The following PTPRN2 variants were observed in gnomAD, a reference collection of about 807,000 sequenced individuals.
PTPRN2 encodes the protein protein tyrosine phosphatase receptor type N2, also known as receptor-type tyrosine-protein phosphatase N2.
In PTPRN2, 74 loss-of-function variants were observed where a neutral mutation model predicts 118.8. The observed-to-expected ratio is 0.62, with a 90% CI of 0.52 to 0.76. The LOEUF (loss-of-function observed/expected upper bound fraction) is 0.76. Among genes scored for constraint, PTPRN2 ranks in the 30% least tolerant of loss-of-function variants. PTPRN2 has a pLI of 0.00. For synonymous variants in PTPRN2, 641 were observed against 608.0 expected, an observed-to-expected ratio of 1.05 and a Z score of -0.80; for missense variants, 1,481 against 1,394.4, an observed-to-expected ratio of 1.06 and a Z score of -0.99.
chr7:157,959,340 A>G (rs923565214), intron 11 of PTPRN2, among the ~76,000 whole-genome samples: 3 of 152,242 alleles, frequency 2.0e-5, no homozygotes, highest in Non-Finnish European at 4.4e-5. Context: ...ACAGGCAACA[A>G]AGAAAAATAA....
chr7:158,424,020 G>A (rs1004170458), intron 2 of PTPRN2, among the ~76,000 whole-genome samples: 1 of 152,162 alleles, frequency 6.6e-6, no homozygotes, highest in African/African-American at 2.4e-5. Flanking sequence ...ATTCGGAAGA[G>A]GCTAAACAGC....
intron 12 of PTPRN2, among the ~76,000 whole-genome samples, chr7:157,847,384 T>C (rs112642610): frequency 1.1e-4 from 14 of 130,376 alleles, no homozygotes; most frequent in African/African-American, 3.0e-4. Context: ...TCTCTGACTC[T>C]ATCACGTGTG....
At chr7:157,804,324 G>A (rs74884873) in intron 12 of PTPRN2, among the ~76,000 whole-genome samples, 2 of 152,216 alleles carry the variant, frequency 1.3e-5, no homozygotes, top group Non-Finnish European at 2.9e-5. Context: ...TTCCATGTCT[G>A]TGAGGACTGC....
chr7:158,095,148 C>T (rs1479038398), intron 10 of PTPRN2, among the ~76,000 whole-genome samples: 2 of 151,894 alleles, frequency 1.3e-5, no homozygotes, highest in East Asian at 3.9e-4. Context: ...GCCCATCTGC[C>T]CCAAAGCCTC....
At chr7:158,466,834 A>C (rs1819424280) in intron 2 of PTPRN2, among the ~76,000 whole-genome samples, 1 of 152,176 alleles carries the variant, frequency 6.6e-6, no homozygotes, top group South Asian at 2.1e-4. Context: ...TGAGGTCAGG[A>C]GCTCAAGACC....
intron 7 of PTPRN2, among the ~76,000 whole-genome samples, chr7:158,137,508 G>A (rs993064318): frequency 7.2e-5 from 11 of 152,156 alleles, no homozygotes; most frequent in Non-Finnish European, 1.3e-4. Context: ...CAGTGCCCCT[G>A]GAGACAGCAC....
rs75022399 is a variant in PTPRN2 at position 157,993,103 on chromosome 7, T to C, written c.1723+88195A>G. ...GATCATCGCAGGTGGGTGGCCTCTATTGAGGTGTGAGCTGCAACTTTCCAT... is the reference window on the plus strand; with the variant it reads ...GATCATCGCAGGTGGGTGGCCTCTACTGAGGTGTGAGCTGCAACTTTCCAT... On this transcript the variant is annotated intron_variant, in intron 11 of 22. Transcript: ENST00000389418. Among the ~76,000 whole-genome samples the C allele has an allele frequency of 8.5e-3, 1,293 of 152,264 alleles. 31 individuals are homozygous for C. Among genetic ancestry groups the C allele is most frequent in the East Asian group, 0.049 (252 of 5,160 alleles).
chr7:158,476,657 C>T (rs1470322737), intron 2 of PTPRN2, among the ~76,000 whole-genome samples: 1 of 152,260 alleles, frequency 6.6e-6, no homozygotes, highest in African/African-American at 2.4e-5. Context: ...TGCTTCTCCG[C>T]CTGAGGCTGC....
intron 1 of PTPRN2, among the ~76,000 whole-genome samples, chr7:158,584,012 T>C (rs1364378694): frequency 6.6e-6 from 1 of 152,200 alleles, no homozygotes; most frequent in African/African-American, 2.4e-5. Flanking sequence ...TGGCTCTGCC[T>C]CTCGGCTCTG....
rs142093965 is a variant in PTPRN2, at chr7:157,603,295, GA to G, written c.2418+706del. 0.072 allele frequency among the ~76,000 whole-genome samples: 10,957 copies of G among 152,166 alleles called. 509 individuals are homozygous for G. Among genetic ancestry groups the G allele is most frequent in the African/African-American group, 0.13 (5,435 of 41,498 alleles). On this transcript the variant is annotated intron_variant, in intron 16 of 22. Coordinates refer to ENST00000389418, the MANE Select transcript of PTPRN2 (RefSeq NM_002847.5). This position sits in a 1 kb window ranked among gnomAD's most constrained non-coding sequence, Gnocchi z 5.4. ...CCTCCCCATTCAGCCCTGCTCCCCC[GA>G]CAGGTCATGACAGGGAAGGGGGATG...
At chr7:158,161,338 C>T (rs1188870353) in intron 6 of PTPRN2, among the ~76,000 whole-genome samples, 1 of 152,198 alleles carries the variant, frequency 6.6e-6, no homozygotes, top group Non-Finnish European at 1.5e-5. Flanking sequence ...ATTGTTACGA[C>T]TCACTCCAAC....
At chr7:157,557,243 A>G (rs1798945347) in intron 21 of PTPRN2, among the ~76,000 whole-genome samples, 1 of 151,580 alleles carries the variant, frequency 6.6e-6, no homozygotes, top group Non-Finnish European at 1.5e-5. Context: ...ACACACACAC[A>G]GGCATGCACA....
At chr7:157,656,117 G>GTTTTTTTTTTTTTTT (rs1806068852) in intron 14 of PTPRN2, among the ~76,000 whole-genome samples, 2 of 58,448 alleles carry the variant, frequency 3.4e-5, no homozygotes, top group Admixed American at 2.2e-4. Flanking sequence ...ACTGTGTGTG[G>GTTTTTTTTTTTTTTT]GGGCTGCACG....
chr7:158,031,118 T>C (rs4716535), intron 11 of PTPRN2: 105,097 of 152,166 alleles, frequency 0.69, 36,927 homozygotes, highest in East Asian at 0.77. Context: ...AATAAAACAC[T>C]ACTTGCTGAT....
At position 158,089,945 on chromosome 7, in the gene PTPRN2, C is replaced by T. The variant is rs12531412; in HGVS notation, c.1644-8568G>A. Among the ~76,000 whole-genome samples, 151 of 32,412 alleles carry T rather than the reference C, an allele frequency of 4.7e-3. 46 individuals carry two copies. Among genetic ancestry groups the T allele is most frequent in the Non-Finnish European group, 0.011 (110 of 9,778 alleles). 21.3% of individuals were successfully genotyped at this position (32,412 alleles called of 152,430 possible). On this transcript the variant is annotated intron_variant, in intron 10 of 22. Transcript: ENST00000389418. ...ACGAAAGAGGGAGTCTTCACACAAA[C>T]CCTTCCTCCCCTGACGAAAGAGGGA... is the stretch of plus-strand genomic sequence containing the variant.
chr7:157,553,223 AC>A (rs1798719392), intron 21 of PTPRN2, among the ~76,000 whole-genome samples: 1 of 152,186 alleles, frequency 6.6e-6, no homozygotes, highest in Non-Finnish European at 1.5e-5. Context: ...GCTTTAGGGT[AC>A]TTGCTTTCAG....
At chr7:158,361,683 A>T (rs766129042) in intron 2 of PTPRN2, among the ~76,000 whole-genome samples, 1 of 151,984 alleles carries the variant, frequency 6.6e-6, no homozygotes, top group Non-Finnish European at 1.5e-5. Context: ...CCTTGGGGGC[A>T]CTCCCGGACC....
intron 14 of PTPRN2, among the ~76,000 whole-genome samples, chr7:157,652,940 T>C (rs1249528183): frequency 6.6e-6 from 1 of 152,172 alleles, no homozygotes; most frequent in Non-Finnish European, 1.5e-5. Context: ...CTCCAGTGGG[T>C]AGAGTGCCCC....
chr7:157,966,705 TCAC>T (rs1352279106), intron 11 of PTPRN2, among the ~76,000 whole-genome samples: 6 of 151,982 alleles, frequency 3.9e-5, no homozygotes, highest in African/African-American at 1.4e-4. Flanking sequence ...ATCATCTTCA[TCAC>T]CACCATCATC....
Sources: gnomAD v4.1 joint callset for allele counts (sites outside exome capture counted in the v4.1 genomes callset) on GRCh38, gnomAD v4.1.1 for gene constraint, Gnocchi (gnomAD v3.1) non-coding constraint, MANE v1.5 for transcripts, NCBI Gene and HGNC (gene_info 2026-07-23, HGNC 2026-07-21) for gene names.